The following USP54 variants were observed in gnomAD, a reference collection of about 807,000 sequenced individuals.
The protein encoded by USP54 is ubiquitin carboxyl-terminal hydrolase 54.
In USP54, 87 loss-of-function variants were observed where a neutral mutation model predicts 170.5. The ratio of observed to expected loss-of-function variants is 0.51; its 90% confidence interval spans 0.43 to 0.61. USP54 has a LOEUF of 0.61. USP54 is among the 20% of genes least tolerant of loss of function. The pLI, the probability that USP54 is intolerant of heterozygous loss-of-function variation, is 0.00. For synonymous variants in USP54, 655 were observed against 742.8 expected, an observed-to-expected ratio of 0.88 and a Z score of 1.92; for missense variants, 1,786 against 2,047.8, an observed-to-expected ratio of 0.87 and a Z score of 2.47.
intron 4 of USP54, among the ~76,000 whole-genome samples, chr10:73,564,539 A>G (rs1199815259): frequency 6.6e-6 from 1 of 152,056 alleles, no homozygotes; most frequent in Non-Finnish European, 1.5e-5. Context: ...TATTAGTTTT[A>G]TAATTCTTGA....
At chr10:73,535,315 T>C (rs2065004371) in intron 11 of USP54, among the ~76,000 whole-genome samples, 1 of 152,016 alleles carries the variant, frequency 6.6e-6, no homozygotes, top group Admixed American at 6.6e-5. Flanking sequence ...GAGATAAGCA[T>C]AATAGGACAA....
chr10:73,529,535 G>A (rs775401893), intron 15 of USP54, 145 bp downstream of exon 15: 7 of 861,664 alleles, frequency 8.1e-6, no homozygotes, highest in Non-Finnish European at 1.4e-5. Context: ...AGCAGAGGGT[G>A]CTGTTGTTAT....
intron 4 of USP54, among the ~76,000 whole-genome samples, chr10:73,563,943 G>GTACT (rs1236542500): frequency 2.0e-5 from 3 of 150,754 alleles, no homozygotes; most frequent in Non-Finnish European, 4.4e-5. Context: ...TATTTAATAA[G>GTACT]TACTTCCCTA....
At chr10:73,522,270 T>A (rs1292395210) in intron 17 of USP54, among the ~76,000 whole-genome samples, 2 of 152,248 alleles carry the variant, frequency 1.3e-5, no homozygotes, top group Non-Finnish European at 2.9e-5. Flanking sequence ...ATATTTGTAA[T>A]CAACTAAATG....
intron 4 of USP54, chr10:73,553,346 A>C (rs760693258): frequency 6.6e-5 from 10 of 152,188 alleles, no homozygotes; most frequent in Non-Finnish European, 1.3e-4. Context: ...TGTTAGGAAG[A>C]AGCAAGTGTA....
At chr10:73,602,276 G>A (rs2079224526) in intron 1 of USP54, among the ~76,000 whole-genome samples, 1 of 152,124 alleles carries the variant, frequency 6.6e-6, no homozygotes, top group Admixed American at 6.6e-5. Flanking sequence ...ATAATAGCCG[G>A]GCACGGTGGC....
intron 1 of USP54, among the ~76,000 whole-genome samples, chr10:73,584,111 C>T (rs1335887870): frequency 2.0e-5 from 3 of 152,088 alleles, no homozygotes; most frequent in African/African-American, 4.8e-5. Context: ...GAGATGTGAA[C>T]GGGCACAGTG....
At chr10:73,520,124 G>T in intron 18 of USP54, 132 bp from the exon 19 acceptor site, 1 of 1,307,914 alleles carries the variant, frequency 7.6e-7, no homozygotes, top group Non-Finnish European at 1.0e-6. Flanking sequence ...GCAAGGCATG[G>T]ACCATGCATA....
chr10:73,624,159 CAT>C (rs58238181), intron 1 of USP54, among the ~76,000 whole-genome samples: 5,245 of 69,580 alleles, frequency 0.075, 127 homozygotes, highest in African/African-American at 0.12. Context: ...TTTTAAAAGC[CAT>C]ATATATATAT....
chr10:73,593,097 G>A (rs933303332), upstream of USP54, among the ~76,000 whole-genome samples: 1 of 151,884 alleles, frequency 6.6e-6, no homozygotes, highest in Non-Finnish European at 1.5e-5. Flanking sequence ...AGGGGCTCAC[G>A]CCTGTAATCC....
chr10:73,538,548 C>T (rs1405278839), intron 10 of USP54, among the ~76,000 whole-genome samples: 1 of 151,902 alleles, frequency 6.6e-6, no homozygotes, highest in Non-Finnish European at 1.5e-5. Context: ...GGCACTGTGG[C>T]TCACGCCTGT....
At chr10:73,552,242 G>A (rs539903151) in intron 4 of USP54, among the ~76,000 whole-genome samples, 52 of 152,114 alleles carry the variant, frequency 3.4e-4, no homozygotes, top group African/African-American at 1.0e-3. Flanking sequence ...GTGAAATCCC[G>A]TCTCTACTAA....
chr10:73,579,152 T>C (rs997726830), intron 1 of USP54, among the ~76,000 whole-genome samples: 5 of 151,044 alleles, frequency 3.3e-5, no homozygotes, highest in Admixed American at 6.6e-5. Flanking sequence ...GGTTTCACCA[T>C]GTTGGCCAGG....
upstream of USP54, among the ~76,000 whole-genome samples, chr10:73,592,177 C>A (rs1205457374): frequency 6.6e-6 from 1 of 151,772 alleles, no homozygotes; most frequent in Non-Finnish European, 1.5e-5. Context: ...AGAGGACCAA[C>A]ACACACCCTT....
chr10:73,523,318 A>G (rs2062220982), intron 17 of USP54, among the ~76,000 whole-genome samples: 1 of 152,168 alleles, frequency 6.6e-6, no homozygotes, highest in African/African-American at 2.4e-5. Flanking sequence ...TACACCTTCA[A>G]CAGATGTTCA....
intron 7 of USP54, 146 bp from the exon 8 acceptor site, chr10:73,541,884 A>T (rs892043827): frequency 2.8e-6 from 2 of 708,222 alleles, no homozygotes; most frequent in African/African-American, 1.8e-5. Context: ...GTGTCCCATA[A>T]ACACAGTAAG....
intron 12 of USP54, among the ~76,000 whole-genome samples, chr10:73,533,375 T>A (rs912905771): frequency 6.6e-6 from 1 of 152,072 alleles, no homozygotes; most frequent in Non-Finnish European, 1.5e-5. Flanking sequence ...TAAGATATAT[T>A]TATGGAAAAT....
chr10:73,513,516 T>C (rs1429740717), intron 20 of USP54: 1 of 151,694 alleles, frequency 6.6e-6, no homozygotes, highest in Non-Finnish European at 1.5e-5. Flanking sequence ...AGTAGGATGG[T>C]TGAAGAAATA....
intron 17 of USP54, among the ~76,000 whole-genome samples, chr10:73,521,927 A>G (rs1172736581): frequency 9.2e-5 from 14 of 152,164 alleles, no homozygotes; most frequent in Admixed American, 9.2e-4. Flanking sequence ...CTTGCCCTCT[A>G]CTTACTCATA....
Sources: allele counts gnomAD v4.1 joint callset (sites outside exome capture counted in the v4.1 genomes callset), GRCh38; gene constraint gnomAD v4.1.1; transcripts MANE v1.5; gene names NCBI Gene and HGNC (gene_info 2026-07-23, HGNC 2026-07-21).